The following NAALADL2 variants were observed in gnomAD, a reference collection of about 807,000 sequenced individuals.
NAALADL2 encodes N-acetylated alpha-linked acidic dipeptidase like 2.
A neutral mutation model predicts 87.2 loss-of-function variants in NAALADL2; 76 were observed. That is an observed-to-expected ratio of 0.87 (90% CI 0.72 to 1.05). The LOEUF is 1.05. Ranked by LOEUF, NAALADL2 falls within the 50% of genes least tolerant of loss-of-function variation. NAALADL2 has a pLI of 0.00. For missense variants in NAALADL2, 1,089 were observed against 945.8 expected (o/e 1.15, Z -1.99); for synonymous variants, 354 against 331.0 (o/e 1.07, Z -0.75).
chr3:174,454,950 GTT>G (rs201906958), intron 1 of NAALADL2, among the ~76,000 whole-genome samples: 2 of 141,210 alleles, frequency 1.4e-5, no homozygotes. Context: ...TCCAGGAGTT[GTT>G]TTTTTTTTTT....
intron 2 of NAALADL2, among the ~76,000 whole-genome samples, chr3:174,672,384 C>T (rs1726637538): frequency 6.6e-6 from 1 of 152,010 alleles, no homozygotes; most frequent in South Asian, 2.1e-4. Context: ...AATCAACATT[C>T]AGTACATGTT....
At chr3:175,204,551 C>T (rs1740539263) in intron 2 of NAALADL2, among the ~76,000 whole-genome samples, 1 of 152,006 alleles carries the variant, frequency 6.6e-6, no homozygotes, top group Non-Finnish European at 1.5e-5. Context: ...ACAAAGATGC[C>T]CACTCTTAGC....
chr3:175,079,283 G>A (rs1313695870), intron 1 of NAALADL2: 3 of 152,046 alleles, frequency 2.0e-5, no homozygotes, highest in Non-Finnish European at 2.9e-5. Context: ...GATTGTCTTT[G>A]TATTAACAAG....
intron 1 of NAALADL2, among the ~76,000 whole-genome samples, chr3:175,036,254 C>A (rs1368318501): frequency 2.0e-5 from 3 of 151,980 alleles, no homozygotes; most frequent in Middle Eastern, 3.2e-3. Flanking sequence ...ATATTTATAT[C>A]TTTTCTAATT....
At chr3:174,554,611 T>G (rs1712532260) in intron 2 of NAALADL2, among the ~76,000 whole-genome samples, 1 of 152,196 alleles carries the variant, frequency 6.6e-6, no homozygotes. Flanking sequence ...TTAAAATAAT[T>G]TCATAGAAAT....
At position 174,963,905 on chromosome 3, in the gene NAALADL2, A is replaced by C. The variant is rs1034633959; in HGVS notation, c.43+104455A>C. On this transcript the variant is annotated intron_variant, in intron 1 of 13. Transcript: ENST00000454872. The stretch of plus-strand genomic sequence containing the variant: ...AATTATTTACATGAAGAAAGAAGAT[A>C]ATCATTTGTTGCATTTTCTGACAAT... 3.4e-4 allele frequency among the ~76,000 whole-genome samples: 52 copies of C among 152,122 alleles called. 1 individual carries two copies. The highest frequency in any genetic ancestry group is 6.6e-4 in the Admixed American group (10 of 15,252).
At chr3:174,470,488 G>C (rs1716830850) in intron 1 of NAALADL2, among the ~76,000 whole-genome samples, 1 of 152,006 alleles carries the variant, frequency 6.6e-6, no homozygotes. Context: ...TTATTGTGCA[G>C]AAGCTGTCAA....
At chr3:174,736,541 G>C (rs1192755864) in intron 2 of NAALADL2, among the ~76,000 whole-genome samples, 3 of 152,118 alleles carry the variant, frequency 2.0e-5, no homozygotes, top group Non-Finnish European at 4.4e-5. Flanking sequence ...GCTTTCAGCA[G>C]AGAGGAGACC....
At chr3:175,221,167 C>G (rs1451066528) in intron 2 of NAALADL2, among the ~76,000 whole-genome samples, 1 of 143,900 alleles carries the variant, frequency 6.9e-6, no homozygotes, top group Non-Finnish European at 1.5e-5. Flanking sequence ...CCATTGCACT[C>G]TAGCCTGGAT....
intron 2 of NAALADL2, among the ~76,000 whole-genome samples, chr3:174,650,201 A>G (rs1283903906): frequency 6.6e-6 from 1 of 152,114 alleles, no homozygotes; most frequent in East Asian, 1.9e-4. Flanking sequence ...GTACCTTCTA[A>G]TAAGAACCTA....
chr3:174,702,894 C>T (rs1174565002), intron 2 of NAALADL2, among the ~76,000 whole-genome samples: 1 of 152,108 alleles, frequency 6.6e-6, no homozygotes, highest in Non-Finnish European at 1.5e-5. Flanking sequence ...GTGGATGCTT[C>T]CTATAAGGGA....
intron 3 of NAALADL2, among the ~76,000 whole-genome samples, chr3:174,825,884 G>A (rs1251064692): frequency 1.3e-5 from 2 of 152,038 alleles, no homozygotes; most frequent in African/African-American, 2.4e-5. Context: ...AAAATTAGGC[G>A]GGCGTGGTGG....
chr3:175,627,751 A>G (rs1000002864), intron 11 of NAALADL2, among the ~76,000 whole-genome samples: 1 of 151,794 alleles, frequency 6.6e-6, no homozygotes, highest in African/African-American at 2.4e-5. Flanking sequence ...TGACATATGG[A>G]GAGTACTTAT....
At chr3:174,839,521 G>A (rs981876956) in intron 3 of NAALADL2, among the ~76,000 whole-genome samples, 1 of 152,064 alleles carries the variant, frequency 6.6e-6, no homozygotes, top group Admixed American at 6.6e-5. Context: ...AAGAGCTTTT[G>A]CATGCCAAAA....
chr3:175,724,421 C>T lies in NAALADL2; in HGVS notation c.1897-12885C>T, dbSNP rs535496166. On this transcript the variant is annotated intron_variant, in intron 11 of 13. Transcript: ENST00000454872. ...TTTAGATTCAACTGAACAATAGCAT[C>T]TAGTTCAAAGAAAGTTACTGTAAGA... 3.2e-3 allele frequency among the ~76,000 whole-genome samples: 484 copies of T among 152,220 alleles called. 1 individual carries two copies. The highest frequency in any genetic ancestry group is 9.3e-3 in the African/African-American group (386 of 41,550).
At chr3:175,066,344 G>C (rs115394633) in intron 1 of NAALADL2, among the ~76,000 whole-genome samples, 2 of 152,080 alleles carry the variant, frequency 1.3e-5, no homozygotes, top group Non-Finnish European at 2.9e-5. Flanking sequence ...GAGTGCTCCT[G>C]GGCCTCCATA....
intron 3 of NAALADL2, 37 bp downstream of exon 3, chr3:175,234,241 A>G: frequency 3.2e-6 from 5 of 1,585,292 alleles, no homozygotes; most frequent in Non-Finnish European, 4.3e-6. Context: ...TTACAGTGAG[A>G]TGGAATTAGA....
At chr3:175,681,301 C>G (rs1582878544) in intron 11 of NAALADL2, among the ~76,000 whole-genome samples, 1 of 152,110 alleles carries the variant, frequency 6.6e-6, no homozygotes, top group South Asian at 2.1e-4. Context: ...CAGTATAATG[C>G]ATACTCGATA....
intron 1 of NAALADL2, among the ~76,000 whole-genome samples, chr3:175,004,442 A>G (rs890948146): frequency 6.7e-6 from 1 of 150,346 alleles, no homozygotes; most frequent in Non-Finnish European, 1.5e-5. Context: ...CTGAAAAGCT[A>G]CCAGTTTTTG....
Sources: gnomAD v4.1 joint callset for allele counts (sites outside exome capture counted in the v4.1 genomes callset) on GRCh38, gnomAD v4.1.1 for gene constraint, MANE v1.5 for transcripts, NCBI Gene and HGNC (gene_info 2026-07-23, HGNC 2026-07-21) for gene names.